Variants in PFKM observed in about 807,000 individuals in gnomAD.
PFKM encodes the protein ATP-dependent 6-phosphofructokinase, muscle type.
Under a neutral mutation model 95.5 loss-of-function variants are expected in PFKM, and 58 were observed. The ratio of observed to expected loss-of-function variants is 0.61; its 90% confidence interval spans 0.49 to 0.76. PFKM has a LOEUF of 0.76. Ranked by LOEUF, PFKM falls within the 30% of genes least tolerant of loss-of-function variation. PFKM has a pLI of 0.00. For synonymous variants in PFKM, 336 were observed against 357.2 expected (o/e 0.94, Z 0.67); for missense variants, 678 against 1,005.4 (o/e 0.67, Z 4.40).
chr12:48,111,642 G>A (rs1469549664), intron 3 of PFKM, among the ~76,000 whole-genome samples: 1 of 152,168 alleles, frequency 6.6e-6, no homozygotes, highest in East Asian at 1.9e-4. Flanking sequence ...GGTGAGTGGC[G>A]ATTAGGCCTG....
chr12:48,139,104 A>G (rs1284571162), intron 11 of PFKM, among the ~76,000 whole-genome samples, 181 bp from the exon 12 acceptor site: 2 of 152,224 alleles, frequency 1.3e-5, no homozygotes, highest in African/African-American at 4.8e-5. Context: ...CATTACTTAG[A>G]CAACTCAGGA....
intron 3 of PFKM, among the ~76,000 whole-genome samples, chr12:48,110,566 AGCTACTGGT>A (rs970593120): frequency 2.0e-5 from 3 of 152,258 alleles, no homozygotes; most frequent in Admixed American, 2.0e-4. Context: ...ATGAGCACAG[AGCTACTGGT>A]GCCCAAACAT....
intron 2 of PFKM, chr12:48,125,478 G>A (rs1318634784): frequency 5.7e-6 from 2 of 349,428 alleles, no homozygotes; most frequent in Non-Finnish European, 1.1e-5. Context: ...AAAATTAGCT[G>A]GGCGTGGTGG....
Position 48,145,237 on chromosome 12 carries a change from C to T in PFKM, c.2120C>T (p.Ser707Leu), listed in dbSNP as rs1950938952. The T allele has an allele frequency of 5.6e-6, 9 of 1,613,950 alleles. No homozygotes were observed. The highest frequency in any genetic ancestry group is 5.3e-5 in the African/African-American group (4 of 74,882). ...CGGATCTTTGCCAATACTCCAGATT[C>T]GGGCTGTGTTCTGGGGATGCGTAAG... ...NGRIFANTPD[S>L]GCVLGMRKRA... Residue 707 changes from serine to leucine, a missense_variant, in exon 22 of 23, where the codon TCG becomes TTG. Physicochemically the swap from Ser to Leu is moderately radical, Grantham distance 145. Transcript: ENST00000359794. The surrounding 1 kb of genome is among the most constrained non-coding windows in gnomAD (Gnocchi z 4.3).
intron 15 of PFKM, 138 bp downstream of exon 15, chr12:48,141,519 A>AG (rs1950573457): frequency 3.7e-6 from 3 of 805,226 alleles, no homozygotes; most frequent in Non-Finnish European, 6.4e-6. Flanking sequence ...TGCTGCCATG[A>AG]GGGCAGACAT....
At chr12:48,111,438 A>G (rs550553089) in intron 3 of PFKM, among the ~76,000 whole-genome samples, 1 of 152,362 alleles carries the variant, frequency 6.6e-6, no homozygotes, top group South Asian at 2.1e-4. Context: ...CTTTCTGCCT[A>G]TGTAACAGCA....
chr12:48,140,141 C>A (rs1333274699), intron 13 of PFKM, among the ~76,000 whole-genome samples: 5 of 152,190 alleles, frequency 3.3e-5, no homozygotes, highest in Admixed American at 2.6e-4. Context: ...AGACCCATGC[C>A]CACTTCAGGA....
At chr12:48,107,142 C>T (rs1019621681) in intron 1 of PFKM, among the ~76,000 whole-genome samples, 10 of 152,154 alleles carry the variant, frequency 6.6e-5, no homozygotes, top group Non-Finnish European at 1.3e-4. Context: ...TCTGGAGGCC[C>T]CCAGCCTTTC....
intron 2 of PFKM, chr12:48,107,503 T>G: frequency 1.6e-6 from 2 of 1,217,804 alleles, no homozygotes; most frequent in Non-Finnish European, 2.4e-6. Context: ...ATGGGTTCTC[T>G]CACAAGAAGT....
At chr12:48,134,918 C>A (rs1029891315) in intron 8 of PFKM, 25 bp from the exon 9 acceptor site, 1 of 1,604,390 alleles carries the variant, frequency 6.2e-7, no homozygotes, top group Non-Finnish European at 8.5e-7. Context: ...TTCCATGGAC[C>A]ATTTTACCCT....
chr12:48,117,454 A>C (rs1947771878), upstream of PFKM, among the ~76,000 whole-genome samples: 1 of 152,238 alleles, frequency 6.6e-6, no homozygotes, highest in African/African-American at 2.4e-5. Context: ...CCCACCAGCA[A>C]TTAATGAGAG....
chr12:48,140,094 G>T (rs1950447030), intron 13 of PFKM, among the ~76,000 whole-genome samples, 182 bp downstream of exon 13: 1 of 152,108 alleles, frequency 6.6e-6, no homozygotes. Context: ...AGATACCAGA[G>T]CCCCCTTCTT....
intron 2 of PFKM, among the ~76,000 whole-genome samples, chr12:48,125,976 GA>G (rs913847425): frequency 7.2e-5 from 11 of 152,156 alleles, no homozygotes; most frequent in Admixed American, 7.2e-4. Flanking sequence ...TCATTTATTA[GA>G]TTTTTTTTCT....
At chr12:48,109,111 T>A (rs1431073293) in intron 3 of PFKM, among the ~76,000 whole-genome samples, 1 of 152,252 alleles carries the variant, frequency 6.6e-6, no homozygotes, top group Non-Finnish European at 1.5e-5. Context: ...TAGGAGCTTA[T>A]GATTAAGGAC....
intron 9 of PFKM, 104 bp from the exon 10 acceptor site, chr12:48,135,187 A>G (rs1949956203): frequency 2.5e-6 from 3 of 1,184,974 alleles, no homozygotes; most frequent in South Asian, 1.2e-5. Flanking sequence ...AAGAACCATT[A>G]CAAGACAAGA....
intron 2 of PFKM, among the ~76,000 whole-genome samples, chr12:48,123,296 A>G (rs778061367): frequency 6.6e-6 from 1 of 152,170 alleles, no homozygotes; most frequent in Admixed American, 6.5e-5. Context: ...GAGTTCCTGC[A>G]CTGACCAAGG....
In PFKM at chr12:48,106,202, C is replaced by G. The variant is rs1031874518; in HGVS notation, c.-10+65C>G. ...ACAGAGTTAAGGACCAGTGGGGCGC[C>G]TGCGCGGTGTGGCGAGGCCCGAGAA... On this transcript the variant is annotated intron_variant, in intron 1 of 24. Coordinates refer to the PFKM transcript ENST00000340802. 16 of 675,134 alleles carry G rather than the reference C, an allele frequency of 2.4e-5. No individual in the cohort carries two copies. The Admixed American group carries it at 3.4e-4, about 15-fold the overall frequency. The allele number at this position is 675,134 out of a possible 1,614,324, so 41.8% of individuals were successfully genotyped here.
chr12:48,128,259 GTCTC>G lies in PFKM; in HGVS notation c.86-2086_86-2083del, dbSNP rs112898503. 8.9e-3 allele frequency among the ~76,000 whole-genome samples: 1,331 copies of G among 149,978 alleles called. 15 individuals carry two copies. The highest frequency in any genetic ancestry group is 0.028 in the African/African-American group (1,158 of 40,916). On this transcript the variant is annotated intron_variant, in intron 2 of 22. Coordinates refer to ENST00000359794, the MANE Select transcript of PFKM (RefSeq NM_000289.6). ...TTTGTCCCTGTTTCGACTGTACTTT[GTCTC>G]TCTCTCTCTCTCTCTCTTTTTTTCG...
In PFKM at chr12:48,132,928, C is replaced by T. The variant is rs374547385; in HGVS notation, c.298C>T (p.Arg100Ter). Reference protein sequence around the residue: ...KDFREREGRLRAAYNLVKRGI... With the variant: ...KDFREREGRL Reference sequence around the variant, plus strand: ...CTTTCGGGAACGAGAAGGACGACTCCGAGCTGCCTACAACCTGGTGAAGCG... The same window carrying T: ...CTTTCGGGAACGAGAAGGACGACTCTGAGCTGCCTACAACCTGGTGAAGCG... Residue 100 changes from arginine (R) to a stop codon, truncating the protein, a stop_gained, in exon 5 of 23, where the codon CGA becomes TGA. Transcript: ENST00000359794. LOFTEE classifies it high-confidence loss of function. 5.6e-6 allele frequency: 9 copies of T among 1,614,002 alleles called. No homozygotes were observed. The African/African-American group carries it at 9.3e-5, about 17-fold the overall frequency.
Sources: allele counts gnomAD v4.1 joint callset (sites outside exome capture counted in the v4.1 genomes callset), GRCh38; gene constraint gnomAD v4.1.1; non-coding constraint Gnocchi (gnomAD v3.1); transcripts MANE v1.5; gene names NCBI Gene and HGNC (gene_info 2026-07-23, HGNC 2026-07-21).